EIF4G1: variants seen among roughly 807,000 people sequenced by gnomAD.
EIF4G1 encodes eukaryotic translation initiation factor 4 gamma 1, also known as EIF4-gamma.
In EIF4G1, 4 loss-of-function variants were observed where a neutral mutation model predicts 187.8. That is an observed-to-expected ratio of 0.02 (90% CI 0.01 to 0.05). The LOEUF (loss-of-function observed/expected upper bound fraction) is 0.05. Ranked by LOEUF, EIF4G1 falls within the 10% of genes least tolerant of loss-of-function variation. EIF4G1 has a pLI of 1.00. For synonymous variants in EIF4G1, 844 were observed against 781.4 expected, an observed-to-expected ratio of 1.08 and a Z score of -1.34; for missense variants, 1,647 against 2,081.1, an observed-to-expected ratio of 0.79 and a Z score of 4.06.
intron 6 of EIF4G1, 140 bp from the exon 7 acceptor site, chr3:184,319,549 G>A (rs1475114213): frequency 1.4e-6 from 1 of 691,818 alleles, no homozygotes. Context: ...AATTCCCTGG[G>A]GGAGGAGGGC....
chr3:184,323,848 G>A lies in EIF4G1; in HGVS notation c.2343G>A (p.Lys781=). 6.2e-7 allele frequency: 1 copy of A among 1,614,244 alleles called. No homozygotes were observed. Among genetic ancestry groups the A allele is most frequent in the South Asian group, 1.1e-5 (1 of 91,090 alleles). The stretch of plus-strand genomic sequence containing the variant: ...CCCAGATGTTCCAGCAGCTGATGAA[G>A]CAAGTGACGCAGCTGGCCATCGACA... The part of the protein sequence containing the change: ...LTPQMFQQLM[K]QVTQLAIDTE... The change falls in exon 16 of 33, where the codon AAG becomes AAA. Residue 781 remains lysine (K), a synonymous_variant. Coordinates refer to ENST00000346169, the MANE Select transcript of EIF4G1 (RefSeq NM_198241.3). The surrounding 1 kb of genome is among the most constrained non-coding windows in gnomAD (Gnocchi z 6.9).
At chr3:184,322,194 G>A (rs1490894727) in intron 10 of EIF4G1, 91 bp downstream of exon 10, 1 of 1,595,044 alleles carries the variant, frequency 6.3e-7, no homozygotes, top group Non-Finnish European at 8.6e-7. Context: ...ACATGTTTCT[G>A]GGTCCCTGCA....
Position 184,322,042 on chromosome 3 carries a change from A to C in EIF4G1, c.1458A>C (p.Pro486=), listed in dbSNP as rs767211962. 2 of 1,614,206 alleles carry C rather than the reference A, an allele frequency of 1.2e-6. No homozygotes were observed. The highest frequency in any genetic ancestry group is 1.7e-6 in the Non-Finnish European group (2 of 1,180,034). Residue 486 remains proline, a synonymous_variant, in exon 10 of 33, where the codon CCA becomes CCC. Transcript: ENST00000346169. ...SEKGGEELLP[P]ESTPIPANLS... The stretch of plus-strand genomic sequence containing the variant: ...AAGGAGGAGAGGAACTGCTCCCCCC[A>C]GAGAGTACCCCTATTCCAGCCAACT...
chr3:184,323,203 C>G lies in EIF4G1; in HGVS notation c.2050C>G (p.Pro684Ala). ...GACAACCCTTAGCACCCGTGGGCCCCCAAGGGGTGGGCCAGGTGGGGAGCT... is the reference window on the plus strand; with the variant it reads ...GACAACCCTTAGCACCCGTGGGCCCGCAAGGGGTGGGCCAGGTGGGGAGCT... ...GRTTLSTRGP[P>A]RGGPGGELPR... is the part of the protein sequence containing the mutation. The change falls in exon 14 of 33, where the codon CCA becomes GCA. Residue 684 changes from proline (P) to alanine (A), a missense_variant. Pro to Ala is a conservative substitution (Grantham distance 27). Coordinates refer to ENST00000346169, the MANE Select transcript of EIF4G1 (RefSeq NM_198241.3). The surrounding 1 kb of genome is among the most constrained non-coding windows in gnomAD (Gnocchi z 6.9). The G allele has an allele frequency of 6.2e-7, 1 of 1,614,188 alleles. No homozygotes were observed. The highest frequency in any genetic ancestry group is 8.5e-7 in the Non-Finnish European group (1 of 1,180,036).
rs747206071 is a variant in EIF4G1, at chr3:184,323,429, T to G, written c.2110T>G (p.Ser704Ala). 8.1e-6 allele frequency: 13 copies of G among 1,614,012 alleles called. No homozygotes were observed. Among genetic ancestry groups the G allele is most frequent in the African/African-American group, 5.3e-5 (4 of 74,892 alleles). ...GCAGGCTGGCCTGGGACCCCGGCGC[T>G]CTCAGCAGGGACCCCGAAAAGAACC... Reference protein sequence around the residue: ...RGPAGLGPRRSQQGPRKEPRK... With the variant: ...RGPAGLGPRRAQQGPRKEPRK... Residue 704 changes from serine to alanine, a missense_variant, in exon 15 of 33, where the codon TCT becomes GCT. Physicochemically the swap from Ser to Ala is moderately conservative, Grantham distance 99 (BLOSUM62 1). This residue lies in a region of EIF4G1 where 140 missense variants were observed against 222.2 expected (regional missense o/e 0.63). Coordinates refer to ENST00000346169, the MANE Select transcript of EIF4G1 (RefSeq NM_198241.3). The surrounding 1 kb of genome is among the most constrained non-coding windows in gnomAD (Gnocchi z 6.9).
At chr3:184,324,386 C>G in intron 17 of EIF4G1, 39 bp downstream of exon 17, 1 of 1,613,814 alleles carries the variant, frequency 6.2e-7, no homozygotes, top group African/African-American at 1.3e-5. Flanking sequence ...TCACCACTTA[C>G]CTCCTTCCCT....
intron 2 of EIF4G1, 57 bp downstream of exon 2, chr3:184,315,602 G>T: frequency 1.3e-6 from 1 of 771,776 alleles, no homozygotes; most frequent in Non-Finnish European, 2.4e-6. Flanking sequence ...ATGCGGGTTT[G>T]ACAGCATGTT....
At chr3:184,331,419 C>T (rs766891918) in intron 29 of EIF4G1, 53 bp from the exon 30 acceptor site, 16 of 1,614,086 alleles carry the variant, frequency 9.9e-6, no homozygotes, top group Admixed American at 1.7e-5. Context: ...AGTCTTCTTT[C>T]TTGTCTCCTG....
intron 32 of EIF4G1, among the ~76,000 whole-genome samples, chr3:184,332,797 G>A (rs1577263787): frequency 6.6e-6 from 1 of 152,132 alleles, no homozygotes; most frequent in East Asian, 1.9e-4. Flanking sequence ...TTAAAGAAAG[G>A]CCAGTGTGGG....
rs919214233 is a variant in EIF4G1 at position 184,316,199 on chromosome 3, C to T, written c.128C>T (p.Thr43Met). The change falls in exon 4 of 33, where the codon ACG (threonine) becomes ATG (methionine). Residue 43 changes from threonine to methionine, a missense_variant. Around this residue, in one of 11 missense-constraint regions of EIF4G1, gnomAD observed 139 missense variants for 187.3 expected, o/e 0.74. Coordinates refer to ENST00000346169, the MANE Select transcript of EIF4G1 (RefSeq NM_198241.3). ...FSTPQATQMNTPSQPRQHFYP... is the reference protein window; with the variant it reads ...FSTPQATQMNMPSQPRQHFYP... ...ACGCCACAAGCGACACAAATGAACA[C>T]GCCTTCTCAGCCCCGCCAGGTGAGG... 5.0e-6 allele frequency: 8 copies of T among 1,613,998 alleles called. No homozygotes were observed. The highest frequency in any genetic ancestry group is 6.8e-6 in the Non-Finnish European group (8 of 1,180,032).
chr3:184,316,051 C>T, intron 3 of EIF4G1, 81 bp from the exon 4 acceptor site: 1 of 1,589,230 alleles, frequency 6.3e-7, no homozygotes, highest in East Asian at 2.3e-5. Flanking sequence ...TGCCGCAGAT[C>T]TGCTCCCCTT....
rs751521708 is a variant in EIF4G1, at chr3:184,334,948, C to A, written c.*40C>A. ...GGGGACCTGGAGCCCCATGGACACA[C>A]AGATGGCCCGGCTAGCCGCCTGGAC... On this transcript the variant is annotated 3_prime_UTR_variant, in exon 33 of 33. Coordinates refer to ENST00000346169, the MANE Select transcript of EIF4G1 (RefSeq NM_198241.3). This position sits in a 1 kb window ranked among gnomAD's most constrained non-coding sequence, Gnocchi z 5.8. 5.6e-6 allele frequency: 9 copies of A among 1,611,890 alleles called. No individual in the cohort carries two copies. Among genetic ancestry groups the A allele is most frequent in the Non-Finnish European group, 7.6e-6 (9 of 1,179,466 alleles).
intron 28 of EIF4G1, among the ~76,000 whole-genome samples, chr3:184,329,754 CAG>C (rs953921382): frequency 1.3e-5 from 2 of 152,162 alleles, no homozygotes; most frequent in Admixed American, 6.5e-5. Flanking sequence ...ATATTTGTGA[CAG>C]GAGGCTTTCA....
chr3:184,315,829 A>AAC lies in EIF4G1; in HGVS notation c.33_34insAC (p.Pro12ThrfsTer31). 2 of 772,442 alleles carry AAC rather than the reference A, an allele frequency of 2.6e-6. No homozygotes were observed. Among genetic ancestry groups the AAC allele is most frequent in the Non-Finnish European group, 4.0e-6 (2 of 502,070 alleles). 47.8% of individuals were successfully genotyped at this position (772,442 alleles called of 1,614,324 possible). On this transcript the variant is annotated frameshift_variant, in exon 3 of 33. Transcript: ENST00000346169. LOFTEE classifies it high-confidence loss of function. ...AAGCTCCACAGTCCACAGGCCCCCC[A>AAC]CCCGCCCCATCCCCCGGACTCCCAC...
At position 184,323,701 on chromosome 3, in the gene EIF4G1, G is replaced by A. The variant is rs1577215919; in HGVS notation, c.2275-79G>A. The A allele has an allele frequency of 1.2e-6, 2 of 1,610,096 alleles. No homozygotes were observed. The highest frequency in any genetic ancestry group is 4.5e-5 in the East Asian group (2 of 44,850). On this transcript the variant is annotated intron_variant, in intron 15 of 32. Coordinates refer to ENST00000346169, the MANE Select transcript of EIF4G1 (RefSeq NM_198241.3). The surrounding 1 kb of genome is among the most constrained non-coding windows in gnomAD (Gnocchi z 6.9). ...TATCACTAGCATCTGTCATGCCTAAGTCCCCACCACCCTCTCCTGTCCCTC... is the reference window on the plus strand; with the variant it reads ...TATCACTAGCATCTGTCATGCCTAAATCCCCACCACCCTCTCCTGTCCCTC...
intron 3 of EIF4G1, 45 bp from the exon 4 acceptor site, chr3:184,316,087 C>G (rs1238480341): frequency 6.2e-7 from 1 of 1,612,836 alleles, no homozygotes; most frequent in East Asian, 2.2e-5. Flanking sequence ...GTTTCTGCCC[C>G]ACCTGGGCTT....
In EIF4G1 at chr3:184,322,551, C is replaced by T. The variant is rs561916314; in HGVS notation, c.1616C>T (p.Pro539Leu). The T allele has an allele frequency of 5.6e-5, 90 of 1,614,060 alleles. No homozygotes were observed. The highest frequency in any genetic ancestry group is 4.4e-4 in the South Asian group (40 of 91,066). Residue 539 changes from proline (P) to leucine (L), a missense_variant, in exon 12 of 33, where the codon CCG becomes CTG. Pro to Leu is a moderately conservative substitution (Grantham distance 98). Around this residue, in one of 11 missense-constraint regions of EIF4G1, gnomAD observed 522 missense variants for 485.2 expected, o/e 1.08. Transcript: ENST00000346169. Reference sequence around the variant, plus strand: ...GATGTTCTGTTGTTCTAGGCGAACCCGGCAGTACCAGAGGTGGAAAATCAG... The same window carrying T: ...GATGTTCTGTTGTTCTAGGCGAACCTGGCAGTACCAGAGGTGGAAAATCAG... ...DLLDAFKEANPAVPEVENQPP... is the reference protein window; with the variant it reads ...DLLDAFKEANLAVPEVENQPP...
rs1724741365 is a variant in EIF4G1 at position 184,325,676 on chromosome 3, A to AG, written c.3121+40dup. ...GCTGGGATTGAGAAGGGAGCAGTGA[A>AG]GGGACCGGGAGGTTATACTTTCCTC... On this transcript the variant is annotated intron_variant, in intron 20 of 32. Transcript: ENST00000346169. This position sits in a 1 kb window ranked among gnomAD's most constrained non-coding sequence, Gnocchi z 5.2. 1 of 1,614,150 alleles carries AG rather than the reference A, an allele frequency of 6.2e-7. No individual in the cohort carries two copies. Among genetic ancestry groups the AG allele is most frequent in the East Asian group, 2.2e-5 (1 of 44,888 alleles).
chr3:184,321,474 TAGA>T lies in EIF4G1; in HGVS notation c.895_897del (p.Glu299del), dbSNP rs1189312824. 1 of 1,614,144 alleles carries T rather than the reference TAGA, an allele frequency of 6.2e-7. No homozygotes were observed. Among genetic ancestry groups the T allele is most frequent in the East Asian group, 2.2e-5 (1 of 44,880 alleles). ...ACTATGACAACTATACAAATGTCTGTAGAAGAATCAACCCCCATCTCCCGTGAA... is the reference window on the plus strand; with the variant it reads ...ACTATGACAACTATACAAATGTCTGTAGAATCAACCCCCATCTCCCGTGAA... On this transcript the variant is annotated inframe_deletion, in exon 10 of 33. Transcript: ENST00000346169.
Sources: allele counts gnomAD v4.1 joint callset (sites outside exome capture counted in the v4.1 genomes callset), GRCh38; gene constraint gnomAD v4.1.1; regional missense constraint gnomAD v4.1.1; non-coding constraint Gnocchi (gnomAD v3.1); transcripts MANE v1.5; gene names NCBI Gene and HGNC (gene_info 2026-07-23, HGNC 2026-07-21).